Variants in IL1RAPL2 observed in about 807,000 individuals in gnomAD.
IL1RAPL2 encodes the protein X-linked interleukin-1 receptor accessory protein-like 2.
IL1RAPL2 carries 3 observed loss-of-function variants against 44.1 expected under a neutral mutation model. The ratio of observed to expected loss-of-function variants is 0.07; its 90% CI spans 0.03 to 0.18. IL1RAPL2 has a LOEUF of 0.18. Ranked by LOEUF, IL1RAPL2 falls within the 10% of genes least tolerant of loss-of-function variation. IL1RAPL2 has a pLI of 1.00. For missense variants in IL1RAPL2, 391 were observed against 496.4 expected (o/e 0.79, Z 2.02); for synonymous variants, 181 against 178.8 (o/e 1.01, Z -0.10).
chrX:105,013,079 T>G (rs1483053127), intron 2 of IL1RAPL2, among the ~76,000 whole-genome samples: 1 of 111,320 alleles, frequency 9.0e-6, no homozygotes, highest in African/African-American at 3.3e-5. Context: ...AGTCTTGATA[T>G]TCTTATATTT....
chrX:105,592,739 G>C (rs1253411140), intron 6 of IL1RAPL2, among the ~76,000 whole-genome samples: 1 of 111,778 alleles, frequency 8.9e-6, no homozygotes, highest in African/African-American at 3.3e-5. Context: ...TTTTCTTTAA[G>C]AATGTTGAAT....
intron 2 of IL1RAPL2, among the ~76,000 whole-genome samples, chrX:105,073,229 G>A (rs2032235652): frequency 1.3e-5 from 1 of 74,294 alleles, no homozygotes; most frequent in South Asian, 9.0e-4. Context: ...AGTGTGTGAT[G>A]TTCCCCTTCC....
intron 5 of IL1RAPL2, among the ~76,000 whole-genome samples, chrX:105,404,187 C>T (rs769655013): frequency 8.9e-6 from 1 of 111,942 alleles, no homozygotes; most frequent in Admixed American, 9.5e-5. Context: ...CCTCCAACCA[C>T]AGAGATGTGA....
intron 2 of IL1RAPL2, among the ~76,000 whole-genome samples, chrX:105,069,843 G>A (rs888781600): frequency 1.8e-5 from 2 of 111,872 alleles, no homozygotes; most frequent in African/African-American, 3.2e-5. Flanking sequence ...CCCTTTTGGC[G>A]AAGATCCATT....
At chrX:104,579,770 C>T (rs745554974) in intron 1 of IL1RAPL2, among the ~76,000 whole-genome samples, 2 of 111,659 alleles carry the variant, frequency 1.8e-5, no homozygotes, top group South Asian at 7.5e-4. Flanking sequence ...AGAAAAGAAA[C>T]TTAGGGCAAG....
At chrX:105,395,762 G>T (rs2035558054) in intron 5 of IL1RAPL2, among the ~76,000 whole-genome samples, 1 of 111,894 alleles carries the variant, frequency 8.9e-6, no homozygotes, top group Non-Finnish European at 1.9e-5. Flanking sequence ...AAATTCAGAT[G>T]TCATCCTTGA....
At chrX:105,728,585 A>G (rs943033844) in intron 7 of IL1RAPL2, among the ~76,000 whole-genome samples, 4 of 111,595 alleles carry the variant, frequency 3.6e-5, no homozygotes, top group Non-Finnish European at 5.7e-5. Context: ...ATAAGAGGAT[A>G]CATTTTTTTT....
At chrX:105,375,559 C>A (rs2035381704) in intron 5 of IL1RAPL2, among the ~76,000 whole-genome samples, 1 of 112,004 alleles carries the variant, frequency 8.9e-6, no homozygotes. Flanking sequence ...CCTGTACCTG[C>A]TATATTTTTC....
chrX:105,029,506 G>A (rs775986100), intron 2 of IL1RAPL2, among the ~76,000 whole-genome samples: 1 of 102,267 alleles, frequency 9.8e-6, no homozygotes, highest in South Asian at 4.7e-4. Context: ...CCAGTGTTTG[G>A]TTTTTTGTCC....
At chrX:105,020,460 G>T (rs913450603) in intron 2 of IL1RAPL2, among the ~76,000 whole-genome samples, 5 of 111,938 alleles carry the variant, frequency 4.5e-5, no homozygotes, top group African/African-American at 1.6e-4. Context: ...GTGGACCAGG[G>T]ATTTACATTG....
chrX:105,219,390 C>T (rs782402476), intron 3 of IL1RAPL2: 3 of 1,208,346 alleles, frequency 2.5e-6, no homozygotes, highest in Non-Finnish European at 3.4e-6. Context: ...TTTCGACCGA[C>T]CGGAGATCTC....
chrX:105,646,417 G>A (rs1302109461), intron 6 of IL1RAPL2, among the ~76,000 whole-genome samples: 1 of 111,676 alleles, frequency 9.0e-6, no homozygotes, highest in Non-Finnish European at 1.9e-5. Context: ...TGCTTTTTTA[G>A]AGATAGCCGT....
rs142274509 is a variant in IL1RAPL2, at chrX:105,356,323, T to C, written c.697+88782T>C. On this transcript the variant is annotated intron_variant, in intron 5 of 10. Coordinates refer to ENST00000372582, the MANE Select transcript of IL1RAPL2 (RefSeq NM_017416.2). The stretch of plus-strand genomic sequence containing the variant: ...TGGGAGATTTTTTCAATTGAGAATA[T>C]ATTTTTGCACTTCATGTTTATTGAT... Among the ~76,000 whole-genome samples the C allele has an allele frequency of 3.6e-5, 4 of 111,411 alleles. No individual in the cohort carries two copies. In the East Asian group the frequency reaches 1.1e-3, roughly 32 times the overall value.
intron 2 of IL1RAPL2, among the ~76,000 whole-genome samples, chrX:104,771,689 T>C (rs1200454452): frequency 9.0e-6 from 1 of 111,386 alleles, no homozygotes; most frequent in East Asian, 2.8e-4. Flanking sequence ...TGATTTCCAG[T>C]CCCCAGCTGA....
chrX:104,692,514 A>C, intron 2 of IL1RAPL2, among the ~76,000 whole-genome samples: 1 of 105,298 alleles, frequency 9.5e-6, no homozygotes, highest in Non-Finnish European at 1.9e-5. Flanking sequence ...CCCCCACCCC[A>C]CGACAGGCCC....
intron 5 of IL1RAPL2, among the ~76,000 whole-genome samples, chrX:105,336,342 C>T (rs921765864): frequency 8.9e-6 from 1 of 112,297 alleles, no homozygotes; most frequent in Admixed American, 9.4e-5. Flanking sequence ...TCAATGTGGC[C>T]TAATGTTCTT....
intron 1 of IL1RAPL2, among the ~76,000 whole-genome samples, chrX:104,645,153 T>A (rs1036399633): frequency 6.3e-5 from 7 of 111,659 alleles, no homozygotes; most frequent in African/African-American, 2.3e-4. Flanking sequence ...TCTCAGTACT[T>A]TATCCTTCGC....
At chrX:104,913,851 G>T (rs960834202) in intron 2 of IL1RAPL2, among the ~76,000 whole-genome samples, 2 of 112,112 alleles carry the variant, frequency 1.8e-5, no homozygotes, top group African/African-American at 6.5e-5. Context: ...TTATGTACTA[G>T]AATATTAGGT....
chrX:105,536,425 TAAAAA>T (rs60312385), intron 6 of IL1RAPL2, among the ~76,000 whole-genome samples: 6 of 92,124 alleles, frequency 6.5e-5, no homozygotes, highest in South Asian at 1.1e-3. Flanking sequence ...TTTTATATGG[TAAAAA>T]AAAAAAAAAA....
Sources: allele counts gnomAD v4.1 joint callset (sites outside exome capture counted in the v4.1 genomes callset), GRCh38; gene constraint gnomAD v4.1.1; transcripts MANE v1.5; gene names NCBI Gene and HGNC (gene_info 2026-07-23, HGNC 2026-07-21).